ATP6V1E1: variants seen among roughly 807,000 people sequenced by gnomAD.
ATP6V1E1 encodes V-type proton ATPase subunit E 1.
Under a neutral mutation model 35.2 loss-of-function variants are expected in ATP6V1E1, and 21 were observed. The observed-to-expected ratio is 0.60, with a 90% CI of 0.42 to 0.86. ATP6V1E1 has a LOEUF of 0.86. Among genes scored for constraint, ATP6V1E1 ranks in the 40% least tolerant of loss-of-function variants. The pLI is 0.00. For missense variants in ATP6V1E1, 183 were observed against 272.6 expected, an observed-to-expected ratio of 0.67 and a Z score of 2.32; for synonymous variants, 83 against 87.8, an observed-to-expected ratio of 0.95 and a Z score of 0.30.
intron 4 of ATP6V1E1, among the ~76,000 whole-genome samples, chr22:17,603,637 ACTCCAT>A (rs1569204574): frequency 6.6e-6 from 1 of 152,204 alleles, no homozygotes; most frequent in Non-Finnish European, 1.5e-5. Context: ...ACAGAGTGAA[ACTCCAT>A]CTCTACTAAA....
chr22:17,593,284 A>C (rs895308039), intron 8 of ATP6V1E1, among the ~76,000 whole-genome samples: 18 of 140,340 alleles, frequency 1.3e-4, no homozygotes, highest in African/African-American at 5.9e-4. Context: ...AAAAAACAAA[A>C]CAAAAAAAAA....
chr22:17,622,548 G>A (rs1365965446), intron 1 of ATP6V1E1, among the ~76,000 whole-genome samples: 2 of 152,168 alleles, frequency 1.3e-5, no homozygotes, highest in Non-Finnish European at 2.9e-5. Context: ...ACCTAATGTA[G>A]ATGATGGGTT....
intron 1 of ATP6V1E1, among the ~76,000 whole-genome samples, chr22:17,624,394 A>G (rs2057893204): frequency 6.6e-6 from 1 of 152,012 alleles, no homozygotes; most frequent in South Asian, 2.1e-4. Context: ...TCTCTACTAA[A>G]AATACAAAAA....
At chr22:17,605,135 G>C (rs948436337) in intron 4 of ATP6V1E1, among the ~76,000 whole-genome samples, 6 of 149,774 alleles carry the variant, frequency 4.0e-5, no homozygotes, top group African/African-American at 1.5e-4. Context: ...AACCCGGGTG[G>C]CGGAGGCTGC....
intron 7 of ATP6V1E1, among the ~76,000 whole-genome samples, chr22:17,596,132 A>AAAATAAATAAATAAAT (rs563541510): frequency 0.013 from 1,959 of 151,846 alleles, 42 homozygotes; most frequent in African/African-American, 0.046. Flanking sequence ...TCTGTCTCAA[A>AAAATAAATAAATAAAT]AAATAAATAA....
intron 4 of ATP6V1E1, among the ~76,000 whole-genome samples, chr22:17,609,323 G>C (rs1028597159): frequency 6.6e-6 from 1 of 151,066 alleles, no homozygotes; most frequent in African/African-American, 2.4e-5. Flanking sequence ...ACCACACCCA[G>C]CTAATTTTTT....
intron 1 of ATP6V1E1, among the ~76,000 whole-genome samples, chr22:17,621,974 C>A (rs2057879979): frequency 1.3e-5 from 2 of 152,172 alleles, no homozygotes; most frequent in African/African-American, 4.8e-5. Context: ...CCAATGAAGG[C>A]TTCCGAATGG....
chr22:17,610,150 A>G (rs988317256), intron 4 of ATP6V1E1, among the ~76,000 whole-genome samples: 1 of 152,180 alleles, frequency 6.6e-6, no homozygotes, highest in African/African-American at 2.4e-5. Context: ...CTAAAAGCCA[A>G]CTAGTAATTA....
intron 7 of ATP6V1E1, 59 bp from the exon 8 acceptor site, chr22:17,594,675 TA>T (rs1195288757): frequency 7.3e-7 from 1 of 1,371,418 alleles, no homozygotes; most frequent in African/African-American, 1.5e-5. Context: ...AGATACATGG[TA>T]CCCTTTACTC....
At chr22:17,624,010 G>C (rs1039078882) in intron 1 of ATP6V1E1, among the ~76,000 whole-genome samples, 1 of 152,150 alleles carries the variant, frequency 6.6e-6, no homozygotes, top group Non-Finnish European at 1.5e-5. Context: ...AAGGTTTTTA[G>C]AGTCAGGTTT....
chr22:17,622,640 AAAGTATAATGAAACAAAAAAAAG>A (rs2057883604), intron 1 of ATP6V1E1, among the ~76,000 whole-genome samples: 1 of 152,136 alleles, frequency 6.6e-6, no homozygotes. Context: ...CTCAGAACTT[AAAGTATAATGAAACAAAAAAAAG>A]AAAGAAAAGA....
intron 4 of ATP6V1E1, among the ~76,000 whole-genome samples, chr22:17,603,705 T>G (rs911995792): frequency 2.0e-5 from 3 of 152,202 alleles, no homozygotes; most frequent in Non-Finnish European, 2.9e-5. Context: ...TCTTATTATG[T>G]GTAGGCAAAT....
At chr22:17,625,528 G>A (rs1008377068) in intron 1 of ATP6V1E1, among the ~76,000 whole-genome samples, 1 of 122,960 alleles carries the variant, frequency 8.1e-6, no homozygotes, top group Non-Finnish European at 2.0e-5. Context: ...TGATCTGCCC[G>A]CCTCGGCCTC....
chr22:17,628,482 G>T, intron 1 of ATP6V1E1, 121 bp downstream of exon 1: 1 of 1,377,564 alleles, frequency 7.3e-7, no homozygotes, highest in Non-Finnish European at 1.0e-6. Context: ...TGGTGACTTG[G>T]AGCAAGGGAC....
chr22:17,613,965 T>C (rs2057829033), intron 2 of ATP6V1E1, among the ~76,000 whole-genome samples: 1 of 148,852 alleles, frequency 6.7e-6, no homozygotes, highest in African/African-American at 2.5e-5. Flanking sequence ...GAACTCTGTC[T>C]CAAAAAAAAA....
Position 17,599,503 on chromosome 22 carries a change from G to T in ATP6V1E1, c.435+524C>A, listed in dbSNP as rs191008432. ...AGGCAGGAGAATTGCTTGAACCCGG[G>T]GGGGCAGAGGTTGCAGTGAGCCGAG... On this transcript the variant is annotated intron_variant, in intron 6 of 8. Coordinates refer to ENST00000253413, the MANE Select transcript of ATP6V1E1 (RefSeq NM_001696.4). 3.7e-3 allele frequency among the ~76,000 whole-genome samples: 537 copies of T among 146,864 alleles called. 2 individuals are homozygous for T. Among genetic ancestry groups the T allele is most frequent in the Non-Finnish European group, 5.1e-3 (342 of 66,768 alleles).
chr22:17,598,380 AT>A, intron 6 of ATP6V1E1, 92 bp from the exon 7 acceptor site: 1 of 1,006,556 alleles, frequency 9.9e-7, no homozygotes, highest in Non-Finnish European at 1.5e-6. Context: ...GGATACCTCC[AT>A]TTATCCCAGG....
intron 1 of ATP6V1E1, among the ~76,000 whole-genome samples, chr22:17,620,451 A>C (rs1483348063): frequency 6.6e-6 from 1 of 151,272 alleles, no homozygotes; most frequent in African/African-American, 2.4e-5. Flanking sequence ...ACGGCGAGCA[A>C]CCTTCCCTTC....
At chr22:17,597,796 A>C (rs1237377858) in intron 7 of ATP6V1E1, among the ~76,000 whole-genome samples, 3 of 150,904 alleles carry the variant, frequency 2.0e-5, no homozygotes, top group African/African-American at 7.4e-5. Context: ...ACGCTCAGCT[A>C]ATTTTTGTAT....
Sources: gnomAD v4.1 joint callset for allele counts (sites outside exome capture counted in the v4.1 genomes callset) on GRCh38, gnomAD v4.1.1 for gene constraint, MANE v1.5 for transcripts, NCBI Gene and HGNC (gene_info 2026-07-23, HGNC 2026-07-21) for gene names.